The following SPDYE3 variants were observed in gnomAD, a reference collection of about 807,000 sequenced individuals.
SPDYE3 encodes speedy/RINGO cell cycle regulator family member E3.
SPDYE3 carries 15 observed loss-of-function variants against 55.0 expected under a neutral mutation model. The observed-to-expected ratio is 0.27, with a 90% CI of 0.18 to 0.42. The LOEUF (loss-of-function observed/expected upper bound fraction) is 0.42. Ranked by LOEUF, SPDYE3 falls within the 10% of genes least tolerant of loss-of-function variation. SPDYE3 has a pLI of 1.00. For synonymous variants in SPDYE3, 89 were observed against 229.9 expected (o/e 0.39, Z 5.55); for missense variants, 236 against 576.7 (o/e 0.41, Z 6.05).
rs1806139278 is a variant in SPDYE3 at position 100,317,737 on chromosome 7, G to A, written c.1346+582G>A. On this transcript the variant is annotated intron_variant, in intron 8 of 10. Transcript: ENST00000332397. ...TCTCAACAGTTTGGGAGGCCGAGGT[G>A]GGCAGATCACAAGGTCAGGAGAGCA... Among the ~76,000 whole-genome samples, 4 of 151,524 alleles carry A rather than the reference G, an allele frequency of 2.6e-5. No individual in the cohort carries two copies. The South Asian group carries it at 8.3e-4, about 31-fold the overall frequency.
chr7:100,319,552 T>C lies in SPDYE3; in HGVS notation c.1347-13T>C. ...GTGGTGCCCCTGAGCAGCAACCTGA[T>C]TTCTGTCCTCAGCTATCTGGCCAAT... is the stretch of plus-strand genomic sequence containing the variant. On this transcript the variant is annotated splice_polypyrimidine_tract_variant and intron_variant, in intron 8 of 10. Coordinates refer to ENST00000332397, the MANE Select transcript of SPDYE3 (RefSeq NM_001004351.5). 1 of 1,614,088 alleles carries C rather than the reference T, an allele frequency of 6.2e-7. No individual in the cohort carries two copies. Among genetic ancestry groups the C allele is most frequent in the Non-Finnish European group, 8.5e-7 (1 of 1,179,984 alleles).
chr7:100,317,381 G>A (rs372168002), intron 8 of SPDYE3, among the ~76,000 whole-genome samples: 7 of 151,718 alleles, frequency 4.6e-5, no homozygotes, highest in Non-Finnish European at 7.4e-5. Flanking sequence ...CGAGGCAAGC[G>A]GATCACCTGA....
rs756800095 is a variant in SPDYE3, at chr7:100,319,694, G to T, written c.1476G>T (p.Met492Ile). The T allele has an allele frequency of 6.2e-7, 1 of 1,614,208 alleles. No homozygotes were observed. Among genetic ancestry groups the T allele is most frequent in the South Asian group, 1.1e-5 (1 of 91,088 alleles). Residue 492 changes from methionine to isoleucine, a missense_variant, in exon 9 of 11, where the codon ATG becomes ATT. Transcript: ENST00000332397. ...PKHWFQLCRPMNPRARKNCSQ... is the reference protein window; with the variant it reads ...PKHWFQLCRPINPRARKNCSQ... ...ATTGGTTCCAGTTATGCCGTCCCAT[G>T]AACCCGAGGGCCAGGAAGAACTGCT...
At position 100,319,890 on chromosome 7, in the gene SPDYE3, T is replaced by C. The variant is rs528578494; in HGVS notation, c.1591-41T>C. On this transcript the variant is annotated intron_variant, in intron 9 of 10. Coordinates refer to ENST00000332397, the MANE Select transcript of SPDYE3 (RefSeq NM_001004351.5). ...TGGACGAGGGGAGAGAGGGGTATCC[T>C]GGGGAGTCCCCGTCTTCTCAAAGCG... 1.4e-5 allele frequency: 22 copies of C among 1,608,290 alleles called. No individual in the cohort carries two copies. The East Asian group carries it at 4.5e-4, about 33-fold the overall frequency.
At chr7:100,308,232 G>A (rs1057246534) in intron 1 of SPDYE3, among the ~76,000 whole-genome samples, 13 of 150,974 alleles carry the variant, frequency 8.6e-5, no homozygotes, top group African/African-American at 2.9e-4. Flanking sequence ...TCGGGAGGCT[G>A]AGACAGGAGA....
intron 8 of SPDYE3, among the ~76,000 whole-genome samples, chr7:100,318,001 A>C (rs1487949925): frequency 1.3e-5 from 2 of 150,778 alleles, no homozygotes; most frequent in Non-Finnish European, 3.0e-5. Flanking sequence ...AAAAAAGAAC[A>C]AAAAACAAAA....
chr7:100,314,324 G>A (rs1284394458), intron 5 of SPDYE3: 13 of 527,310 alleles, frequency 2.5e-5, no homozygotes, highest in African/African-American at 6.4e-5. Context: ...ACGATATGAC[G>A]CAGTGTTCTG....
chr7:100,317,389 T>C (rs1255806453), intron 8 of SPDYE3, among the ~76,000 whole-genome samples: 4 of 151,660 alleles, frequency 2.6e-5, no homozygotes, highest in African/African-American at 9.7e-5. Flanking sequence ...GCGGATCACC[T>C]GAGGTCAGGA....
At chr7:100,308,035 G>A (rs1219389570) in intron 1 of SPDYE3, 44 bp downstream of exon 1, 5 of 1,517,522 alleles carry the variant, frequency 3.3e-6, no homozygotes, top group Middle Eastern at 2.3e-4. Flanking sequence ...GATTGACTAA[G>A]ACGAAGGAAG....
At chr7:100,308,024 G>A in intron 1 of SPDYE3, 33 bp downstream of exon 1, 1 of 1,528,712 alleles carries the variant, frequency 6.5e-7, no homozygotes, top group Non-Finnish European at 8.8e-7. Flanking sequence ...AGGTGGCATA[G>A]GATTGACTAA....
At chr7:100,313,487 A>AAGTGTCCCTCATG in intron 5 of SPDYE3, 129 bp downstream of exon 5, 5 of 966,542 alleles carry the variant, frequency 5.2e-6, no homozygotes, top group Non-Finnish European at 6.0e-6. Flanking sequence ...GAGGACTCTG[A>AAGTGTCCCTCATG]AGTGATCACT....
intron 7 of SPDYE3, among the ~76,000 whole-genome samples, chr7:100,316,757 T>C (rs1806114240): frequency 6.6e-6 from 1 of 152,132 alleles, no homozygotes; most frequent in Non-Finnish European, 1.5e-5. Context: ...CTCAGCTCCT[T>C]GGGACAGTTC....
intron 8 of SPDYE3, among the ~76,000 whole-genome samples, chr7:100,317,944 C>G (rs1481496589): frequency 6.8e-6 from 1 of 147,386 alleles, no homozygotes; most frequent in Non-Finnish European, 1.5e-5. Flanking sequence ...CCACTGCACT[C>G]CAGCCTGGGC....
intron 6 of SPDYE3, 135 bp from the exon 7 acceptor site, chr7:100,315,650 C>T: frequency 1.4e-6 from 2 of 1,392,092 alleles, no homozygotes; most frequent in South Asian, 2.3e-5. Context: ...AGTCATTCTC[C>T]CCTCTCCCAT....
chr7:100,319,757 C>T lies in SPDYE3; in HGVS notation c.1539C>T (p.Phe513=), dbSNP rs1312973077. The change falls in exon 9 of 11, where the codon TTC becomes TTT. Residue 513 remains phenylalanine, a synonymous_variant. Coordinates refer to ENST00000332397, the MANE Select transcript of SPDYE3 (RefSeq NM_001004351.5). The part of the protein sequence containing the change: ...IALFQKRRFQ[F]FCSMRCRAWV... ...TGTTCCAGAAGCGTCGGTTCCAGTT[C>T]TTCTGTTCCATGCGCTGCAGGGCTT... 1.9e-6 allele frequency: 3 copies of T among 1,613,214 alleles called. No individual in the cohort carries two copies. The African/African-American group carries it at 4.0e-5, about 22-fold the overall frequency.
intron 1 of SPDYE3, 110 bp downstream of exon 1, chr7:100,308,101 G>A (rs1251100156): frequency 1.3e-5 from 18 of 1,351,590 alleles, no homozygotes; most frequent in South Asian, 6.9e-5. Flanking sequence ...AGGCCGAGGC[G>A]GGCAGATCAC....
Position 100,320,322 on chromosome 7 carries a change from A to C in SPDYE3, c.*45+287A>C, listed in dbSNP as rs949677389. 3.7e-6 allele frequency: 4 copies of C among 1,087,772 alleles called. No individual in the cohort carries two copies. The African/African-American group carries it at 4.9e-5, about 13-fold the overall frequency. The allele number at this position is 1,087,772 out of a possible 1,614,324, so 67.4% of individuals were successfully genotyped here. A position where few individuals can be genotyped will look rare whatever the true frequency, so the allele number is the denominator to read the frequency against. On this transcript the variant is annotated intron_variant, in intron 10 of 10. Coordinates refer to ENST00000332397, the MANE Select transcript of SPDYE3 (RefSeq NM_001004351.5). ...GACAGAGTGAGACCCTGCCTCAAAA[A>C]TAATCATAAATACTGAGTTCGGGGA...
At chr7:100,316,958 A>T (rs1806119857) in intron 7 of SPDYE3, 112 bp from the exon 8 acceptor site, 2 of 1,479,418 alleles carry the variant, frequency 1.4e-6, no homozygotes, top group South Asian at 2.3e-5. Context: ...CCCAATGCTG[A>T]GGTCCCTTCT....
At chr7:100,320,104 T>G in intron 10 of SPDYE3, 69 bp downstream of exon 10, 1 of 1,566,332 alleles carries the variant, frequency 6.4e-7, no homozygotes, top group African/African-American at 1.4e-5. Context: ...GGAACCCAAT[T>G]GCTTGATCTG....
Sources: gnomAD v4.1 joint callset for allele counts (sites outside exome capture counted in the v4.1 genomes callset) on GRCh38, gnomAD v4.1.1 for gene constraint, MANE v1.5 for transcripts, NCBI Gene and HGNC (gene_info 2026-07-23, HGNC 2026-07-21) for gene names.